The following DPH6 variants were observed in gnomAD, a reference collection of about 807,000 sequenced individuals.
The protein encoded by DPH6 is diphthamine biosynthesis 6, also known as diphthine--ammonia ligase.
In DPH6, 33 loss-of-function variants were observed where a neutral mutation model predicts 38.2. The observed-to-expected ratio is 0.86, with a 90% CI of 0.65 to 1.15. The LOEUF (loss-of-function observed/expected upper bound fraction) is 1.15, where lower values mean the gene tolerates loss of function less well. Among genes scored for constraint, DPH6 ranks in the 50% most tolerant of loss-of-function variants. The probability of loss-of-function intolerance (pLI) is 0.00; values close to 1 mark genes in which losing one functional copy is unlikely to be tolerated. For missense variants in DPH6, 325 were observed against 320.0 expected, an observed-to-expected ratio of 1.02 and a Z score of -0.12; for synonymous variants, 108 against 103.0, an observed-to-expected ratio of 1.05 and a Z score of -0.30.
chr15:35,407,105 G>C (rs1356437321), intron 6 of DPH6, among the ~76,000 whole-genome samples: 2 of 151,994 alleles, frequency 1.3e-5, no homozygotes, highest in Non-Finnish European at 2.9e-5. Flanking sequence ...AATCCAGAAA[G>C]ACAGGAGCTG....
chr15:35,346,560 T>C (rs2052463647), intron 3 of DPH6, among the ~76,000 whole-genome samples: 1 of 152,138 alleles, frequency 6.6e-6, no homozygotes, highest in Admixed American at 6.6e-5. Context: ...AGTTTAGGTA[T>C]TTTCAGGTAC....
intron 5 of DPH6, among the ~76,000 whole-genome samples, chr15:35,434,193 C>A (rs901394590): frequency 7.9e-5 from 12 of 152,212 alleles, no homozygotes; most frequent in Admixed American, 7.8e-4. Flanking sequence ...GGTAAGGATA[C>A]CTAATACGAC....
Position 35,522,096 on chromosome 15 carries a change from T to C in DPH6, c.312+16178A>G, listed in dbSNP as rs764103300. Reference sequence around the variant, plus strand: ...GGGAATCAGTAAAACTGGAAACTCATACTTCACATTTTGCAATCTCACTGA... The same window carrying C: ...GGGAATCAGTAAAACTGGAAACTCACACTTCACATTTTGCAATCTCACTGA... On this transcript the variant is annotated intron_variant, in intron 3 of 8. Transcript: ENST00000256538. The C allele has an allele frequency of 4.3e-6, 7 of 1,612,640 alleles. No homozygotes were observed. The Admixed American group carries it at 6.7e-5, about 15-fold the overall frequency.
chr15:35,263,625 C>T (rs1373019914), intron 3 of DPH6, among the ~76,000 whole-genome samples: 1 of 151,956 alleles, frequency 6.6e-6, no homozygotes, highest in African/African-American at 2.4e-5. Flanking sequence ...AAGATGATCT[C>T]AAACTGGGCT....
Position 35,372,092 on chromosome 15 carries a change from C to A in DPH6, c.*58G>T. The A allele has an allele frequency of 6.8e-7, 1 of 1,478,398 alleles. No homozygotes were observed. The allele number at this position is 1,478,398 out of a possible 1,614,324, so 91.6% of individuals were successfully genotyped here. On this transcript the variant is annotated 3_prime_UTR_variant, in exon 9 of 9. Coordinates refer to ENST00000256538, the MANE Select transcript of DPH6 (RefSeq NM_080650.4). ...ACTAGTCATAGTAACTGAGAAAATA[C>A]TATGCAATTTTTTTGTATAGAAATG... is the stretch of plus-strand genomic sequence containing the variant.
chr15:35,231,517 G>C (rs2051517530), intron 3 of DPH6, among the ~76,000 whole-genome samples: 1 of 152,130 alleles, frequency 6.6e-6, no homozygotes, highest in Non-Finnish European at 1.5e-5. Flanking sequence ...TGCTTTTTTT[G>C]TGTGTAGAAA....
chr15:35,340,598 G>A (rs2052413358), intron 3 of DPH6, among the ~76,000 whole-genome samples: 1 of 152,224 alleles, frequency 6.6e-6, no homozygotes, highest in Non-Finnish European at 1.5e-5. Context: ...CTCAGCATGT[G>A]TTTGTCTGAA....
intron 5 of DPH6, among the ~76,000 whole-genome samples, chr15:35,412,856 A>C (rs2053384900): frequency 6.6e-6 from 1 of 151,668 alleles, no homozygotes; most frequent in Non-Finnish European, 1.5e-5. Flanking sequence ...TAGGCAGAAC[A>C]CAGATGATTT....
intron 3 of DPH6, among the ~76,000 whole-genome samples, chr15:35,359,635 C>A (rs2052596837): frequency 6.6e-6 from 1 of 152,136 alleles, no homozygotes; most frequent in South Asian, 2.1e-4. Context: ...CATAAACAGA[C>A]CTTCAGTTTA....
At chr15:35,280,412 G>T (rs1408475031) in intron 3 of DPH6, among the ~76,000 whole-genome samples, 1 of 152,198 alleles carries the variant, frequency 6.6e-6, no homozygotes, top group East Asian at 1.9e-4. Flanking sequence ...TCATGACTGG[G>T]ATGAAAGTAT....
downstream of DPH6, among the ~76,000 whole-genome samples, chr15:35,216,493 T>A (rs1168833028): frequency 6.6e-6 from 1 of 152,216 alleles, no homozygotes; most frequent in African/African-American, 2.4e-5. Context: ...CTTCTTACAA[T>A]AGTCTGATAA....
intron 3 of DPH6, among the ~76,000 whole-genome samples, chr15:35,322,420 C>G (rs1806139842): frequency 1.3e-5 from 2 of 152,166 alleles, no homozygotes; most frequent in African/African-American, 4.8e-5. Context: ...TAGGAATGAC[C>G]AAGGATGGCT....
At chr15:35,149,516 C>T in the DPH6 span, among the ~76,000 whole-genome samples, 29 of 152,254 alleles carry the variant, frequency 1.9e-4, no homozygotes, top group East Asian at 3.1e-3. Flanking sequence ...GGATTACAGG[C>T]GTGAGCCACT....
chr15:35,205,625 A>G, the DPH6 span, among the ~76,000 whole-genome samples: 2 of 152,074 alleles, frequency 1.3e-5, no homozygotes, highest in Admixed American at 1.3e-4. Flanking sequence ...GAAAGCATAT[A>G]ACTAAATTTT....
At chr15:35,150,918 G>T in the DPH6 span, among the ~76,000 whole-genome samples, 60 of 152,280 alleles carry the variant, frequency 3.9e-4, 1 homozygote, top group Non-Finnish European at 1.3e-4. Flanking sequence ...TCCAAATGAT[G>T]ATGTTTCTAT....
chr15:35,393,123 G>T (rs2053081942), intron 6 of DPH6, among the ~76,000 whole-genome samples: 1 of 152,164 alleles, frequency 6.6e-6, no homozygotes, highest in Non-Finnish European at 1.5e-5. Flanking sequence ...CATCATTTTG[G>T]ATGAATGATG....
At chr15:35,181,509 T>C in the DPH6 span, among the ~76,000 whole-genome samples, 1 of 151,696 alleles carries the variant, frequency 6.6e-6, no homozygotes, top group Non-Finnish European at 1.5e-5. Flanking sequence ...TTTTAATAGT[T>C]TAATAGAATG....
chr15:35,176,214 G>C, the DPH6 span, among the ~76,000 whole-genome samples: 1 of 152,174 alleles, frequency 6.6e-6, no homozygotes, highest in African/African-American at 2.4e-5. Flanking sequence ...TTGTGATGGA[G>C]CTGCTGAAAT....
At chr15:35,520,243 A>AAAAT in intron 3 of DPH6, 1 of 866,140 alleles carries the variant, frequency 1.2e-6, no homozygotes, top group Non-Finnish European at 1.4e-6. Flanking sequence ...AAAAAAAACA[A>AAAAT]AAGAAGAAGA....
Sources: gnomAD v4.1 joint callset for allele counts (sites outside exome capture counted in the v4.1 genomes callset) on GRCh38, gnomAD v4.1.1 for gene constraint, MANE v1.5 for transcripts, NCBI Gene and HGNC (gene_info 2026-07-23, HGNC 2026-07-21) for gene names.